The following AKAP6 variants were observed in gnomAD, a reference collection of about 807,000 sequenced individuals.
The protein encoded by AKAP6 is A-kinase anchor protein 6.
Under a neutral mutation model 188.5 loss-of-function variants are expected in AKAP6, and 58 were observed. The observed-to-expected ratio is 0.31, with a 90% CI of 0.25 to 0.38. The LOEUF (loss-of-function observed/expected upper bound fraction) is 0.38. AKAP6 is among the 10% of genes least tolerant of loss of function. The probability of loss-of-function intolerance (pLI) is 1.00; values close to 1 mark genes in which losing one functional copy is unlikely to be tolerated. For synonymous variants in AKAP6, 989 were observed against 998.6 expected (o/e 0.99, Z 0.18); for missense variants, 2,710 against 2,740.0 (o/e 0.99, Z 0.24).
intron 11 of AKAP6, among the ~76,000 whole-genome samples, chr14:32,755,181 C>T (rs944657597): frequency 1.3e-5 from 2 of 152,060 alleles, no homozygotes; most frequent in African/African-American, 4.8e-5. Flanking sequence ...TGGCTTTCTT[C>T]ACTCATTTTC....
At chr14:32,471,230 C>T (rs552225121) in intron 2 of AKAP6, among the ~76,000 whole-genome samples, 75 of 152,134 alleles carry the variant, frequency 4.9e-4, no homozygotes, top group African/African-American at 1.5e-3. Context: ...TAATAAACAC[C>T]AAGATTGTCT....
chr14:32,517,963 C>T (rs1000813285), intron 2 of AKAP6, among the ~76,000 whole-genome samples: 7 of 152,318 alleles, frequency 4.6e-5, no homozygotes, highest in Admixed American at 4.6e-4. Context: ...CCGACTGACA[C>T]CTCATACAGC....
chr14:32,333,687 G>A (rs1886602012), intron 1 of AKAP6, among the ~76,000 whole-genome samples: 1 of 151,930 alleles, frequency 6.6e-6, no homozygotes, highest in African/African-American at 2.4e-5. Context: ...CTTTCTGGAT[G>A]TGGACAAGAC....
At chr14:32,668,447 G>A (rs966976292) in intron 7 of AKAP6, among the ~76,000 whole-genome samples, 1 of 152,062 alleles carries the variant, frequency 6.6e-6, no homozygotes, top group African/African-American at 2.4e-5. Context: ...ACAAAAAGAA[G>A]AAATAATGGA....
intron 9 of AKAP6, among the ~76,000 whole-genome samples, chr14:32,698,503 T>G (rs778807891): frequency 6.6e-6 from 1 of 152,158 alleles, no homozygotes; most frequent in Non-Finnish European, 1.5e-5. Context: ...TTAACCTTTT[T>G]TATTAAGGGC....
intron 11 of AKAP6, among the ~76,000 whole-genome samples, chr14:32,742,158 C>T (rs997647035): frequency 3.3e-5 from 5 of 152,026 alleles, no homozygotes; most frequent in Non-Finnish European, 5.9e-5. Flanking sequence ...AATTTATTGG[C>T]GTATAGTTGC....
Position 32,808,288 on chromosome 14 carries a change from A to G in AKAP6, c.3589-13114A>G, listed in dbSNP as rs537099565. ...ATGCAGGGATGAAGAGAGAAGACAC[A>G]TTAGCTGAGCACTCTAAGACAACTC... On this transcript the variant is annotated intron_variant, in intron 12 of 13. Transcript: ENST00000280979. Among the ~76,000 whole-genome samples the G allele has an allele frequency of 4.6e-5, 7 of 152,334 alleles. No homozygotes were observed. In the South Asian group the frequency reaches 1.2e-3, roughly 27 times the overall value.
intron 2 of AKAP6, among the ~76,000 whole-genome samples, chr14:32,534,964 T>TC (rs1882600730): frequency 2.1e-5 from 1 of 46,698 alleles, no homozygotes; most frequent in Non-Finnish European, 4.5e-5. Flanking sequence ...AAACTCTATC[T>TC]AAAAAAAAAA....
intron 4 of AKAP6, among the ~76,000 whole-genome samples, chr14:32,547,700 C>G (rs772551829): frequency 2.6e-5 from 4 of 152,018 alleles, no homozygotes; most frequent in Non-Finnish European, 5.9e-5. Context: ...CTATATTAGC[C>G]AGGAGCGGTG....
chr14:32,535,642 T>C lies in AKAP6; in HGVS notation c.413T>C (p.Val138Ala). Residue 138 changes from valine (V) to alanine (A), a missense_variant, in exon 3 of 14, where the codon GTC becomes GCC. Val to Ala is a moderately conservative substitution (Grantham distance 64). This residue lies in a region of AKAP6 where 237 missense variants were observed against 313.9 expected (regional missense o/e 0.76). Transcript: ENST00000280979. ...TCCCTAAAGCTGCTGTCTTACTCTGTCAACGTGATAGTGGACATCCACGCA... is the reference window on the plus strand; with the variant it reads ...TCCCTAAAGCTGCTGTCTTACTCTGCCAACGTGATAGTGGACATCCACGCA... ...EFSLKLLSYS[V>A]NVIVDIHAVQ... is the part of the protein sequence containing the mutation. 6.2e-7 allele frequency: 1 copy of C among 1,614,246 alleles called. No homozygotes were observed. The highest frequency in any genetic ancestry group is 8.5e-7 in the Non-Finnish European group (1 of 1,180,022).
At chr14:32,665,589 A>G (rs1888896875) in intron 7 of AKAP6, among the ~76,000 whole-genome samples, 1 of 152,054 alleles carries the variant, frequency 6.6e-6, no homozygotes. Context: ...TGGAATCTTC[A>G]TGATGTCAGC....
chr14:32,583,707 T>C (rs1006171935), intron 5 of AKAP6, among the ~76,000 whole-genome samples: 9 of 152,194 alleles, frequency 5.9e-5, no homozygotes, highest in Non-Finnish European at 1.2e-4. Flanking sequence ...GCCTCGCTGC[T>C]GCCTTGCAGT....
chr14:32,790,953 C>A (rs534361090), intron 12 of AKAP6, among the ~76,000 whole-genome samples: 2 of 152,056 alleles, frequency 1.3e-5, no homozygotes, highest in Non-Finnish European at 2.9e-5. Flanking sequence ...TGAACTCATT[C>A]TTTTTTATGG....
At chr14:32,658,780 T>TA (rs34420236) in intron 7 of AKAP6, among the ~76,000 whole-genome samples, 253 of 136,022 alleles carry the variant, frequency 1.9e-3, no homozygotes, top group South Asian at 8.2e-3. Context: ...AAGTCTTCTT[T>TA]AAAAAAAAAA....
intron 13 of AKAP6, 68 bp downstream of exon 13, chr14:32,824,883 G>A: frequency 7.6e-7 from 1 of 1,311,172 alleles, no homozygotes. Flanking sequence ...ACCATGGCAG[G>A]AGAAAAGGCT....
intron 11 of AKAP6, among the ~76,000 whole-genome samples, chr14:32,771,712 CT>C (rs2032903636): frequency 6.6e-6 from 1 of 152,158 alleles, no homozygotes; most frequent in South Asian, 2.1e-4. Flanking sequence ...TGGCTAAGAA[CT>C]TTGGGACTTT....
intron 2 of AKAP6, among the ~76,000 whole-genome samples, chr14:32,485,724 A>C (rs1318583739): frequency 1.3e-5 from 2 of 152,166 alleles, no homozygotes; most frequent in Non-Finnish European, 2.9e-5. Context: ...GCCCTTTGTC[A>C]GATGGATAGA....
intron 1 of AKAP6, 106 bp downstream of exon 1, chr14:32,329,514 G>A (rs1886464375): frequency 6.6e-6 from 1 of 152,066 alleles, no homozygotes; most frequent in South Asian, 2.1e-4. Context: ...AAATGGACTG[G>A]GGAAAGAAGG....
chr14:32,750,891 T>C (rs12882432), intron 11 of AKAP6, among the ~76,000 whole-genome samples: 93,145 of 151,008 alleles, frequency 0.62, 31,899 homozygotes, highest in Non-Finnish European at 0.76. Context: ...CCTGCCACCA[T>C]GCCCGGCTAA....
Sources: allele counts gnomAD v4.1 joint callset (sites outside exome capture counted in the v4.1 genomes callset), GRCh38; gene constraint gnomAD v4.1.1; regional missense constraint gnomAD v4.1.1; transcripts MANE v1.5; gene names NCBI Gene and HGNC (gene_info 2026-07-23, HGNC 2026-07-21).